The following MALRD1 variants were observed in gnomAD, a reference collection of about 807,000 sequenced individuals.
The protein encoded by MALRD1 is MAM and LDL receptor class A domain containing 1.
MALRD1 carries 247 observed loss-of-function variants against 242.1 expected under a neutral mutation model. The observed-to-expected ratio is 1.02, with a 90% CI of 0.92 to 1.13. MALRD1 has a LOEUF of 1.13. Among genes scored for constraint, MALRD1 ranks in the 50% most tolerant of loss-of-function variants. MALRD1 has a pLI of 0.00. For synonymous variants in MALRD1, 995 were observed against 866.6 expected (o/e 1.15, Z -2.60); for missense variants, 2,989 against 2,533.1 (o/e 1.18, Z -3.86).
At chr10:19,392,088 T>A (rs1404307979) in intron 28 of MALRD1, among the ~76,000 whole-genome samples, 2 of 152,228 alleles carry the variant, frequency 1.3e-5, no homozygotes, top group Non-Finnish European at 2.9e-5. Context: ...GGTAGCCTCA[T>A]TTATATGGGG....
rs149955445 is a variant in MALRD1 at position 19,387,422 on chromosome 10, A to C, written c.4442-106A>C. The C allele has an allele frequency of 3.7e-6, 5 of 1,347,588 alleles. No homozygotes were observed. The East Asian group carries it at 1.3e-4, about 34-fold the overall frequency. The allele number at this position is 1,347,588 out of a possible 1,614,324, so 83.5% of individuals were successfully genotyped here. The stretch of plus-strand genomic sequence containing the variant: ...CAGGTACCTCAAATTCCTAAGAACA[A>C]TATGTTCCTTTATAGATTAAAATGA... On this transcript the variant is annotated intron_variant, in intron 26 of 39. Transcript: ENST00000454679.
At position 19,595,423 on chromosome 10, in the gene MALRD1, C is replaced by T. The variant is rs577944796; in HGVS notation, c.5910C>T (p.Pro1970=). 29 of 1,550,160 alleles carry T rather than the reference C, an allele frequency of 1.9e-5. No homozygotes were observed. The highest frequency in any genetic ancestry group is 1.5e-4 in the East Asian group (6 of 40,908). ...CCCTCCTGCTATGCGATGGAGTGCC[C>T]GACTGCCACTTTAATGAAGATGAGC... ...IPSLLLCDGV[P]DCHFNEDELI... Residue 1970 remains proline, a synonymous_variant, in exon 34 of 40, where the codon CCC becomes CCT. Transcript: ENST00000454679.
At position 19,387,565 on chromosome 10, in the gene MALRD1, A is replaced by C; in HGVS notation, c.4479A>C (p.Gly1493=). 6 of 1,550,396 alleles carry C rather than the reference A, an allele frequency of 3.9e-6. No individual in the cohort carries two copies. The highest frequency in any genetic ancestry group is 5.2e-6 in the Non-Finnish European group (6 of 1,146,862). ...CPLGYRECHN[G]KCYRLEQSCN... ...TTGGCTATAGGGAATGTCATAATGG[A>C]AAATGCTATAGGCTGGAACAAAGCT... Residue 1493 remains glycine (G), a synonymous_variant, in exon 27 of 40, where the codon GGA becomes GGC. Coordinates refer to ENST00000454679, the MANE Select transcript of MALRD1 (RefSeq NM_001142308.3).
chr10:19,732,974 G>T (rs748738438), intron 39 of MALRD1, among the ~76,000 whole-genome samples: 4 of 152,160 alleles, frequency 2.6e-5, no homozygotes, highest in Admixed American at 6.5e-5. Context: ...AATGGCTAAA[G>T]AAGAAATCCT....
chr10:19,396,721 G>A (rs555692355), intron 28 of MALRD1, among the ~76,000 whole-genome samples: 27 of 152,244 alleles, frequency 1.8e-4, no homozygotes, highest in Admixed American at 5.9e-4. Context: ...TGTCTCTGAA[G>A]TCATAAAAAT....
chr10:19,358,435 C>T (rs778848889), intron 26 of MALRD1, among the ~76,000 whole-genome samples: 8 of 152,152 alleles, frequency 5.3e-5, no homozygotes, highest in Non-Finnish European at 8.8e-5. Flanking sequence ...GGTGTAGCAA[C>T]TCAGTCAGAG....
intron 18 of MALRD1, among the ~76,000 whole-genome samples, chr10:19,255,071 T>C (rs1246932450): frequency 6.6e-6 from 1 of 152,050 alleles, no homozygotes; most frequent in Non-Finnish European, 1.5e-5. Flanking sequence ...CCAAGGCCAG[T>C]CTGTCTTTAC....
In MALRD1 at chr10:19,419,376, C is replaced by T. The variant is rs112594477; in HGVS notation, c.4845+29767C>T. On this transcript the variant is annotated intron_variant, in intron 28 of 39. Transcript: ENST00000454679. ...GTGGCACGATCTCAGCTCACTGTAA[C>T]CTCCACCTCCCGGGTTCAAGTGATT... 4.6e-3 allele frequency among the ~76,000 whole-genome samples: 702 copies of T among 152,248 alleles called. 3 individuals are homozygous for T. The highest frequency in any genetic ancestry group is 0.016 in the African/African-American group (668 of 41,538).
At chr10:19,446,587 G>T (rs538085813) in intron 28 of MALRD1, among the ~76,000 whole-genome samples, 3 of 152,116 alleles carry the variant, frequency 2.0e-5, no homozygotes, top group African/African-American at 4.8e-5. Context: ...GCCTTTCTTT[G>T]CACAGCCCAT....
intron 13 of MALRD1, among the ~76,000 whole-genome samples, chr10:19,172,850 T>G (rs1002070940): frequency 2.0e-5 from 3 of 152,012 alleles, no homozygotes; most frequent in African/African-American, 7.2e-5. Flanking sequence ...TCACAGTCAC[T>G]TAATGGTATT....
chr10:19,552,289 G>C (rs1036716557), intron 32 of MALRD1, among the ~76,000 whole-genome samples: 5 of 151,778 alleles, frequency 3.3e-5, no homozygotes, highest in African/African-American at 1.2e-4. Flanking sequence ...GCCTGTTCAG[G>C]GATTCAATTT....
intron 1 of MALRD1, among the ~76,000 whole-genome samples, chr10:19,057,650 T>C (rs1008551436): frequency 6.6e-6 from 1 of 152,152 alleles, no homozygotes; most frequent in Non-Finnish European, 1.5e-5. Context: ...AAAAGACTCA[T>C]GACAAGACTA....
At chr10:19,095,797 A>G (rs10826937) in intron 4 of MALRD1, among the ~76,000 whole-genome samples, 66,254 of 151,994 alleles carry the variant, frequency 0.44, 14,725 homozygotes, top group Admixed American at 0.52. Context: ...AAACTTCTCA[A>G]TTCCCTGTGT....
intron 26 of MALRD1, among the ~76,000 whole-genome samples, chr10:19,361,824 A>G (rs1591342): frequency 0.89 from 134,614 of 152,106 alleles, 59,829 homozygotes; most frequent in African/African-American, 0.94. Context: ...GATTTAGATC[A>G]TCTGCATTTA....
chr10:19,330,944 T>A (rs1400855847), intron 23 of MALRD1, among the ~76,000 whole-genome samples: 1 of 152,186 alleles, frequency 6.6e-6, no homozygotes, highest in East Asian at 1.9e-4. Flanking sequence ...ATGACAAGAA[T>A]TGAGCAAAAT....
At chr10:19,666,305 T>A (rs1018657751) in intron 36 of MALRD1, among the ~76,000 whole-genome samples, 3 of 152,240 alleles carry the variant, frequency 2.0e-5, no homozygotes, top group Non-Finnish European at 4.4e-5. Context: ...GCTTGTCTTC[T>A]ATACTTTCAG....
chr10:19,588,089 T>C (rs1241661691), intron 33 of MALRD1, among the ~76,000 whole-genome samples: 2 of 152,140 alleles, frequency 1.3e-5, no homozygotes, highest in Non-Finnish European at 2.9e-5. Flanking sequence ...GTAGGATGCA[T>C]ATGAAATGAA....
chr10:19,613,726 A>T (rs1839005847), intron 35 of MALRD1, among the ~76,000 whole-genome samples: 1 of 152,110 alleles, frequency 6.6e-6, no homozygotes, highest in Non-Finnish European at 1.5e-5. Flanking sequence ...TGCTGGGCCG[A>T]TGTAACCCAG....
chr10:19,465,890 T>C (rs904467685), intron 29 of MALRD1, among the ~76,000 whole-genome samples: 3 of 152,194 alleles, frequency 2.0e-5, no homozygotes, highest in South Asian at 2.1e-4. Context: ...ACCTTTCTTA[T>C]AATCCCACCA....
Sources: gnomAD v4.1 joint callset for allele counts (sites outside exome capture counted in the v4.1 genomes callset) on GRCh38, gnomAD v4.1.1 for gene constraint, MANE v1.5 for transcripts, NCBI Gene and HGNC (gene_info 2026-07-23, HGNC 2026-07-21) for gene names.